Variants in TRPM3 observed in about 807,000 individuals in gnomAD.
The protein encoded by TRPM3 is transient receptor potential cation channel subfamily M member 3, also known as long transient receptor potential channel 3.
In TRPM3, 77 loss-of-function variants were observed where a neutral mutation model predicts 181.2. That is an observed-to-expected ratio of 0.42 (90% CI 0.35 to 0.51). TRPM3 has a LOEUF of 0.51. Ranked by LOEUF, TRPM3 falls within the 20% of genes least tolerant of loss-of-function variation. TRPM3 has a pLI of 0.01. For synonymous variants in TRPM3, 745 were observed against 796.4 expected, an observed-to-expected ratio of 0.94 and a Z score of 1.09; for missense variants, 1,759 against 2,196.7, an observed-to-expected ratio of 0.80 and a Z score of 3.98.
chr9:70,664,911 A>C (rs1445759042), intron 9 of TRPM3, among the ~76,000 whole-genome samples: 1 of 151,904 alleles, frequency 6.6e-6, no homozygotes, highest in African/African-American at 2.4e-5. Context: ...CAGCCTCCCA[A>C]AGTGCTGGGA....
intron 1 of TRPM3, among the ~76,000 whole-genome samples, chr9:71,130,261 T>C (rs2074288492): frequency 6.6e-6 from 1 of 152,150 alleles, no homozygotes; most frequent in Non-Finnish European, 1.5e-5. Context: ...GTAAAATGTG[T>C]TTTTAAGGTA....
At chr9:70,954,645 T>C (rs1180035401) in intron 1 of TRPM3, among the ~76,000 whole-genome samples, 1 of 152,140 alleles carries the variant, frequency 6.6e-6, no homozygotes, top group Non-Finnish European at 1.5e-5. Context: ...AAATCTAGTT[T>C]CACACTTAAA....
At chr9:71,003,717 T>C (rs2097643243) in intron 1 of TRPM3, among the ~76,000 whole-genome samples, 1 of 152,176 alleles carries the variant, frequency 6.6e-6, no homozygotes, top group African/African-American at 2.4e-5. Context: ...TAAATACCAT[T>C]TGCAGTCGGC....
intron 22 of TRPM3, among the ~76,000 whole-genome samples, chr9:70,555,935 A>T (rs2047590530): frequency 6.6e-6 from 1 of 152,168 alleles, no homozygotes; most frequent in African/African-American, 2.4e-5. Flanking sequence ...CCTGATCTCC[A>T]TTTCTTGACT....
chr9:71,300,699 A>C (rs567073007), intron 1 of TRPM3, among the ~76,000 whole-genome samples: 1 of 152,238 alleles, frequency 6.6e-6, no homozygotes, highest in Non-Finnish European at 1.5e-5. Flanking sequence ...ATGATGTAAA[A>C]GTTTGCTAAT....
rs900886269 is a variant in TRPM3 at position 70,876,089 on chromosome 9, T to A, written c.178-11578A>T. On this transcript the variant is annotated intron_variant, in intron 1 of 25. Transcript: ENST00000677713. ...AGTCTTTAATTTGGTTATATTGTTC[T>A]AATGTGACCATTTTAAGGTTGTTCA... Among the ~76,000 whole-genome samples the A allele has an allele frequency of 2.0e-5, 3 of 151,840 alleles. No individual in the cohort carries two copies. The Admixed American group carries it at 2.0e-4, about 10-fold the overall frequency.
intron 1 of TRPM3, among the ~76,000 whole-genome samples, chr9:71,110,136 C>T (rs1044601431): frequency 9.9e-5 from 15 of 152,202 alleles, no homozygotes; most frequent in African/African-American, 3.6e-4. Flanking sequence ...GTCTCAATTT[C>T]CCTCAGACAC....
intron 1 of TRPM3, among the ~76,000 whole-genome samples, chr9:71,431,369 G>T (rs1266226538): frequency 6.6e-6 from 1 of 152,186 alleles, no homozygotes; most frequent in Non-Finnish European, 1.5e-5. Context: ...AAAGTCTTCA[G>T]GTCATGTAAA....
intron 9 of TRPM3, among the ~76,000 whole-genome samples, chr9:70,657,561 GT>G (rs1277777394): frequency 6.6e-6 from 1 of 152,048 alleles, no homozygotes; most frequent in African/African-American, 2.4e-5. Flanking sequence ...AGATTTTATG[GT>G]TTATTGAAAC....
intron 1 of TRPM3, among the ~76,000 whole-genome samples, chr9:71,282,411 A>G (rs2084913937): frequency 1.9e-5 from 2 of 107,212 alleles, no homozygotes; most frequent in Admixed American, 8.8e-5. Flanking sequence ...GAAAAGAAAG[A>G]AAAAGAAAAA....
intron 1 of TRPM3, among the ~76,000 whole-genome samples, chr9:70,913,687 AGACTGGACTT>A (rs933570986): frequency 1.3e-5 from 2 of 152,194 alleles, no homozygotes; most frequent in African/African-American, 4.8e-5. Context: ...AAAAACCACC[AGACTGGACTT>A]GACTAATGGA....
intron 1 of TRPM3, among the ~76,000 whole-genome samples, chr9:71,141,122 G>A (rs919199833): frequency 6.6e-6 from 1 of 152,164 alleles, no homozygotes; most frequent in Non-Finnish European, 1.5e-5. Flanking sequence ...TCTTTGGCAT[G>A]TAAAATAAAA....
chr9:71,088,574 T>C (rs2065668069), intron 1 of TRPM3, among the ~76,000 whole-genome samples: 1 of 152,126 alleles, frequency 6.6e-6, no homozygotes, highest in Non-Finnish European at 1.5e-5. Context: ...TCAAGCTAAA[T>C]AACATTACTT....
rs1355173307 is a variant in TRPM3 at position 70,598,600 on chromosome 9, G to A, written c.2867C>T (p.Thr956Met). ...KVWLQEYWNV[T>M]DLIAILLFSV... ...AAACAGAAGGATGGCGATGAGGTCCGTGACATTCCAGTACTCCTGCAGCCA... is the reference window on the plus strand; with the variant it reads ...AAACAGAAGGATGGCGATGAGGTCCATGACATTCCAGTACTCCTGCAGCCA... The change falls in exon 21 of 26, where the codon ACG becomes ATG. Residue 956 changes from threonine (T) to methionine (M), a missense_variant. Physicochemically the swap from Thr to Met is moderately conservative, Grantham distance 81 (BLOSUM62 -1). Transcript: ENST00000677713. The A allele has an allele frequency of 3.1e-6, 5 of 1,614,082 alleles. No individual in the cohort carries two copies. The highest frequency in any genetic ancestry group is 2.2e-5 in the East Asian group (1 of 44,898).
chr9:71,210,014 G>A (rs1309058793), intron 1 of TRPM3, among the ~76,000 whole-genome samples: 2 of 152,160 alleles, frequency 1.3e-5, no homozygotes, highest in Non-Finnish European at 2.9e-5. Context: ...CCAGGACAGA[G>A]GTCCCTAACC....
At chr9:71,182,150 T>C (rs2077440964) in intron 1 of TRPM3, among the ~76,000 whole-genome samples, 1 of 152,156 alleles carries the variant, frequency 6.6e-6, no homozygotes, top group African/African-American at 2.4e-5. Context: ...GTGCTAAATA[T>C]ATGATGCATT....
intron 1 of TRPM3, among the ~76,000 whole-genome samples, chr9:70,898,063 T>C (rs1229109681): frequency 6.6e-6 from 1 of 152,068 alleles, no homozygotes; most frequent in East Asian, 1.9e-4. Flanking sequence ...GGACGGTCTT[T>C]ATGTTGGTTT....
intron 1 of TRPM3, among the ~76,000 whole-genome samples, chr9:71,009,270 G>A (rs1410345644): frequency 6.6e-6 from 1 of 151,970 alleles, no homozygotes; most frequent in Non-Finnish European, 1.5e-5. Flanking sequence ...AAAGGAAGAA[G>A]GGCACCCAAA....
intron 1 of TRPM3, among the ~76,000 whole-genome samples, chr9:71,039,537 G>A (rs936985672): frequency 5.3e-5 from 8 of 152,138 alleles, no homozygotes; most frequent in African/African-American, 1.9e-4. Context: ...TATTGGGTAT[G>A]GAAATGCCAT....
Sources: allele counts gnomAD v4.1 joint callset (sites outside exome capture counted in the v4.1 genomes callset), GRCh38; gene constraint gnomAD v4.1.1; transcripts MANE v1.5; gene names NCBI Gene and HGNC (gene_info 2026-07-23, HGNC 2026-07-21).